Variants in SLC7A2 observed in about 807,000 individuals in gnomAD.
SLC7A2 encodes cationic amino acid transporter 2.
Under a neutral mutation model 58.9 loss-of-function variants are expected in SLC7A2, and 48 were observed. That is an observed-to-expected ratio of 0.82 (90% confidence interval 0.65 to 1.04). SLC7A2 has a LOEUF of 1.04. Ranked by LOEUF, SLC7A2 falls within the 50% of genes least tolerant of loss-of-function variation. The probability of loss-of-function intolerance (pLI) is 0.00; values close to 1 mark genes in which losing one functional copy is unlikely to be tolerated. For missense variants in SLC7A2, 1,029 were observed against 818.8 expected (o/e 1.26, Z -3.13); for synonymous variants, 363 against 314.5 (o/e 1.15, Z -1.63).
chr8:17,498,839 G>A (rs1261337741), intron 1 of SLC7A2: 1 of 152,212 alleles, frequency 6.6e-6, no homozygotes, highest in Non-Finnish European at 1.5e-5. Flanking sequence ...AGTCTCTCCT[G>A]TCACTGGGCT....
At chr8:17,556,460 T>G (rs574873853) in intron 8 of SLC7A2, among the ~76,000 whole-genome samples, 1 of 152,114 alleles carries the variant, frequency 6.6e-6, no homozygotes, top group Non-Finnish European at 1.5e-5. Context: ...TGTGATTTTG[T>G]ACTCCCATAC....
chr8:17,503,129 C>T (rs1023696543), intron 2 of SLC7A2, among the ~76,000 whole-genome samples: 13 of 152,042 alleles, frequency 8.6e-5, no homozygotes, highest in African/African-American at 3.1e-4. Flanking sequence ...CGGCTCGCTG[C>T]AAGCTCCGCC....
At chr8:17,555,111 G>A in intron 8 of SLC7A2, 1 of 1,608,636 alleles carries the variant, frequency 6.2e-7, no homozygotes, top group Non-Finnish European at 8.5e-7. Flanking sequence ...GGTTTCTTGA[G>A]CATTAGACTG....
rs535571246 is a variant in SLC7A2, at chr8:17,519,479, C to T, written c.-23+17177C>T. On this transcript the variant is annotated intron_variant, in intron 2 of 12. Coordinates refer to ENST00000494857, the MANE Select transcript of SLC7A2 (RefSeq NM_001370338.1). Reference sequence around the variant, plus strand: ...CTATCTTCGTCCATATTTCTGTCGCCATTTTCTCTTCCTAGGCTAATTGTG... The same window carrying T: ...CTATCTTCGTCCATATTTCTGTCGCTATTTTCTCTTCCTAGGCTAATTGTG... 2.0e-5 allele frequency among the ~76,000 whole-genome samples: 3 copies of T among 152,270 alleles called. No individual in the cohort carries two copies. In the South Asian group the frequency reaches 6.2e-4, roughly 32 times the overall value.
At chr8:17,524,158 A>G (rs1250434000) in intron 2 of SLC7A2, among the ~76,000 whole-genome samples, 1 of 152,210 alleles carries the variant, frequency 6.6e-6, no homozygotes, top group African/African-American at 2.4e-5. Flanking sequence ...TGTTGGTGGG[A>G]ATGTAAACTA....
chr8:17,495,889 T>G (rs1015123410), upstream of SLC7A2, among the ~76,000 whole-genome samples: 1 of 152,224 alleles, frequency 6.6e-6, no homozygotes, highest in Non-Finnish European at 1.5e-5. Context: ...GATGGCTTCC[T>G]GAGATACATT....
chr8:17,546,965 AT>A (rs554116207), intron 4 of SLC7A2, among the ~76,000 whole-genome samples: 3 of 152,170 alleles, frequency 2.0e-5, no homozygotes, highest in Middle Eastern at 3.4e-3. Flanking sequence ...TGTTTAAGAG[AT>A]TTTTTTCAAG....
At chr8:17,553,179 A>G (rs920690910) in intron 7 of SLC7A2, among the ~76,000 whole-genome samples, 3 of 152,096 alleles carry the variant, frequency 2.0e-5, no homozygotes, top group African/African-American at 7.2e-5. Flanking sequence ...CAGCCTCCTG[A>G]GTAGCTAGGA....
Position 17,550,428 on chromosome 8 carries a change from A to C in SLC7A2, c.826A>C (p.Thr276Pro), listed in dbSNP as rs779714873. ...CTTTGTGGGATTTGACTGCATTGCA[A>C]CAACTGGTAAGAGCAGTGTCTTGGC... ...YAFVGFDCIA[T>P]TGEEVRNPQK... The change falls in exon 6 of 13, where the codon ACA (threonine) becomes CCA (proline). Residue 276 changes from threonine to proline, a missense_variant. Physicochemically the swap from Thr to Pro is conservative, Grantham distance 38. Transcript: ENST00000494857. 1 of 1,613,362 alleles carries C rather than the reference A, an allele frequency of 6.2e-7. No individual in the cohort carries two copies. The highest frequency in any genetic ancestry group is 2.2e-5 in the East Asian group (1 of 44,858).
chr8:17,520,787 A>G (rs1024463164), intron 2 of SLC7A2: 17 of 818,242 alleles, frequency 2.1e-5, no homozygotes, highest in Non-Finnish European at 2.5e-5. Flanking sequence ...AGATGAGCTT[A>G]AGCAGAGGAT....
At chr8:17,550,202 T>G (rs535306896) in intron 5 of SLC7A2, 99 bp from the exon 6 acceptor site, 1 of 1,142,956 alleles carries the variant, frequency 8.7e-7, no homozygotes, top group Non-Finnish European at 1.3e-6. Context: ...AAAGAGCTAA[T>G]AAACACAACC....
chr8:17,543,605 T>G lies in SLC7A2; in HGVS notation c.266T>G (p.Phe89Cys), dbSNP rs779549818. ...SVMAGLCYAE[F>C]GARVPKTGSA... Reference sequence around the variant, plus strand: ...ATGGCTGGCCTCTGCTATGCCGAATTTGGGGCCCGTGTTCCCAAGACGGGG... The same window carrying G: ...ATGGCTGGCCTCTGCTATGCCGAATGTGGGGCCCGTGTTCCCAAGACGGGG... Residue 89 changes from phenylalanine (F) to cysteine (C), a missense_variant, in exon 3 of 13, where the codon TTT becomes TGT. By Grantham distance (205) the Phe-to-Cys change is radical. Transcript: ENST00000494857. 1 of 1,604,440 alleles carries G rather than the reference T, an allele frequency of 6.2e-7. No homozygotes were observed. Among genetic ancestry groups the G allele is most frequent in the Admixed American group, 1.7e-5 (1 of 58,842 alleles).
chr8:17,550,212 CA>C (rs1375082858), intron 5 of SLC7A2, 88 bp from the exon 6 acceptor site: 1 of 1,233,388 alleles, frequency 8.1e-7, no homozygotes, highest in East Asian at 2.3e-5. Flanking sequence ...TAAACACAAC[CA>C]CCTTCCAAGG....
rs111228233 is a variant in SLC7A2, at chr8:17,502,487, A to G, written c.-23+185A>G. Reference sequence around the variant, plus strand: ...CCTAGTAGAAGAAAAAAATATTTTAAAAGAATCTTTACTGGACTTCAATTC... The same window carrying G: ...CCTAGTAGAAGAAAAAAATATTTTAGAAGAATCTTTACTGGACTTCAATTC... On this transcript the variant is annotated intron_variant, in intron 2 of 12. Transcript: ENST00000494857. Among the ~76,000 whole-genome samples the G allele has an allele frequency of 5.1e-3, 773 of 152,306 alleles. 2 individuals are homozygous for G. The highest frequency in any genetic ancestry group is 9.3e-3 in the Non-Finnish European group (635 of 68,024).
chr8:17,563,893 C>T (rs568944368), intron 12 of SLC7A2, among the ~76,000 whole-genome samples, 182 bp downstream of exon 12: 7 of 152,296 alleles, frequency 4.6e-5, no homozygotes, highest in Non-Finnish European at 1.0e-4. Context: ...GTATCTCCCA[C>T]TAACCCTGTA....
chr8:17,530,287 G>A (rs150108718), intron 2 of SLC7A2, among the ~76,000 whole-genome samples: 52 of 152,308 alleles, frequency 3.4e-4, no homozygotes, highest in Admixed American at 2.2e-3. Flanking sequence ...GCAGTAGCTC[G>A]GATGGCCTGG....
At chr8:17,529,036 T>C (rs928066886) in intron 2 of SLC7A2, among the ~76,000 whole-genome samples, 1 of 152,182 alleles carries the variant, frequency 6.6e-6, no homozygotes, top group Non-Finnish European at 1.5e-5. Flanking sequence ...GTTTCAAATG[T>C]GATGTTAAGA....
chr8:17,544,371 T>A, intron 3 of SLC7A2, 80 bp from the exon 4 acceptor site: 1 of 1,253,376 alleles, frequency 8.0e-7, no homozygotes, highest in South Asian at 1.4e-5. Flanking sequence ...GAACTCATGT[T>A]TATCCTATAA....
intron 2 of SLC7A2, among the ~76,000 whole-genome samples, chr8:17,526,051 C>G (rs1272448508): frequency 6.6e-6 from 1 of 151,926 alleles, no homozygotes; most frequent in Admixed American, 6.6e-5. Flanking sequence ...TCTAAATACC[C>G]AGAGAAAATA....
Sources: allele counts gnomAD v4.1 joint callset (sites outside exome capture counted in the v4.1 genomes callset), GRCh38; gene constraint gnomAD v4.1.1; transcripts MANE v1.5; gene names NCBI Gene and HGNC (gene_info 2026-07-23, HGNC 2026-07-21).